KDM2B: variants seen among roughly 807,000 people sequenced by gnomAD.
KDM2B encodes lysine-specific demethylase 2B.
A neutral mutation model predicts 150.0 loss-of-function variants in KDM2B; 26 were observed. That is an observed-to-expected ratio of 0.17 (90% CI 0.13 to 0.24). KDM2B has a LOEUF of 0.24. Among genes scored for constraint, KDM2B ranks in the 10% least tolerant of loss-of-function variants. The pLI is 1.00. For missense variants in KDM2B, 1,265 were observed against 1,816.9 expected (o/e 0.70, Z 5.52); for synonymous variants, 734 against 729.5 (o/e 1.01, Z -0.10).
At chr12:121,540,339 A>G (rs372044878) in intron 6 of KDM2B, among the ~76,000 whole-genome samples, 44 of 152,140 alleles carry the variant, frequency 2.9e-4, no homozygotes, top group African/African-American at 1.0e-3. Context: ...CACAGGGATG[A>G]TCATTTATAA....
chr12:121,549,172 C>G lies in KDM2B; in HGVS notation c.577-189G>C, dbSNP rs1300219140. Among the ~76,000 whole-genome samples the G allele has an allele frequency of 2.0e-5, 3 of 152,276 alleles. No homozygotes were observed. Among genetic ancestry groups the G allele is most frequent in the Middle Eastern group, 3.4e-3 (1 of 294 alleles). ...CTTTGTAGAAGGGAAGGAGATGAAA[C>G]AGTCGCTGGGGGTCGGGCACGGTAG... On this transcript the variant is annotated intron_variant, in intron 5 of 22. Coordinates refer to ENST00000377071, the MANE Select transcript of KDM2B (RefSeq NM_032590.5). This position sits in a 1 kb window ranked among gnomAD's most constrained non-coding sequence, Gnocchi z 4.4.
Position 121,442,179 on chromosome 12 carries a change from C to T in KDM2B, c.3262G>A (p.Val1088Ile). Residue 1088 changes from valine (V) to isoleucine (I), a missense_variant, in exon 19 of 23, where the codon GTC (valine) becomes ATC (isoleucine). Transcript: ENST00000377071. This position sits in a 1 kb window ranked among gnomAD's most constrained non-coding sequence, Gnocchi z 7.7. The stretch of plus-strand genomic sequence containing the variant: ...CACCAGCGGTTCCAGGTCCTGCAGA[C>T]CCGCATGCACACACACAGGTCTTGG... ...SHQDLCVCMR[V>I]CRTWNRWCCD... The T allele has an allele frequency of 6.2e-7, 1 of 1,613,660 alleles. No homozygotes were observed. The highest frequency in any genetic ancestry group is 8.5e-7 in the Non-Finnish European group (1 of 1,180,020).
At chr12:121,481,760 T>TC in intron 12 of KDM2B, among the ~76,000 whole-genome samples, 1 of 124,134 alleles carries the variant, frequency 8.1e-6, no homozygotes, top group African/African-American at 3.6e-5. Flanking sequence ...ATCTTAGGGT[T>TC]TTTTTTGTTT....
rs376084109 is a variant in KDM2B, at chr12:121,453,710, C to T, written c.1735-366G>A. Among the ~76,000 whole-genome samples, 1 of 152,102 alleles carries T rather than the reference C, an allele frequency of 6.6e-6. No homozygotes were observed. Among genetic ancestry groups the T allele is most frequent in the Non-Finnish European group, 1.5e-5 (1 of 68,010 alleles). On this transcript the variant is annotated intron_variant, in intron 12 of 22. Coordinates refer to ENST00000377071, the MANE Select transcript of KDM2B (RefSeq NM_032590.5). The surrounding 1 kb of genome is among the most constrained non-coding windows in gnomAD (Gnocchi z 6.4). ...GGCAGCACATACCAGGAGCTGGAGGCGCGGGGAAGGACCCTCCCCTAGAGC... is the reference window on the plus strand; with the variant it reads ...GGCAGCACATACCAGGAGCTGGAGGTGCGGGGAAGGACCCTCCCCTAGAGC...
intron 4 of KDM2B, among the ~76,000 whole-genome samples, chr12:121,566,621 A>AAAAT (rs1299174150): frequency 1.1e-4 from 17 of 151,300 alleles, no homozygotes; most frequent in East Asian, 4.0e-4. Flanking sequence ...TTCTGTCTCA[A>AAAAT]AAATAAATAA....
In KDM2B at chr12:121,549,431, T is replaced by C; in HGVS notation, c.576+29A>G. 4 of 1,555,804 alleles carry C rather than the reference T, an allele frequency of 2.6e-6. No individual in the cohort carries two copies. Among genetic ancestry groups the C allele is most frequent in the Non-Finnish European group, 3.5e-6 (4 of 1,142,756 alleles). ...GGAAGGAGATGAGGTGGAAGGTATC[T>C]GGGGAGGGTACCTGGGCCCCGGACC... On this transcript the variant is annotated intron_variant, in intron 5 of 22. Transcript: ENST00000377071. This position sits in a 1 kb window ranked among gnomAD's most constrained non-coding sequence, Gnocchi z 4.4.
chr12:121,408,623 G>A, the KDM2B span, among the ~76,000 whole-genome samples: 1 of 152,098 alleles, frequency 6.6e-6, no homozygotes, highest in Non-Finnish European at 1.5e-5. Context: ...TTATGAGAAA[G>A]TACAGGAAGA....
chr12:121,570,307 CT>C (rs1555315714), intron 4 of KDM2B, among the ~76,000 whole-genome samples: 1 of 152,082 alleles, frequency 6.6e-6, no homozygotes, highest in African/African-American at 2.4e-5. Flanking sequence ...CTGCCTCAGC[CT>C]CCGAAAGTGC....
In KDM2B at chr12:121,444,291, A is replaced by G. The variant is rs1555289560; in HGVS notation, c.2191-19T>C. ...GCTTTTGCTTGTAGGCCAAAAAGAG[A>G]GAATGAACAGACCAACTGTATACCT... On this transcript the variant is annotated intron_variant, in intron 15 of 22. Transcript: ENST00000377071. The G allele has an allele frequency of 1.2e-6, 2 of 1,613,090 alleles. No individual in the cohort carries two copies. Among genetic ancestry groups the G allele is most frequent in the African/African-American group, 2.7e-5 (2 of 74,870 alleles).
chr12:121,538,157 G>A (rs955868217), intron 6 of KDM2B, among the ~76,000 whole-genome samples: 1 of 151,956 alleles, frequency 6.6e-6, no homozygotes. Flanking sequence ...GCGCGGGGCC[G>A]CCAGGGAGGC....
chr12:121,527,221 T>C (rs1436223510), intron 8 of KDM2B, among the ~76,000 whole-genome samples: 3 of 149,232 alleles, frequency 2.0e-5, no homozygotes, highest in Non-Finnish European at 4.5e-5. Flanking sequence ...AGATAATTTT[T>C]TTTTTTTTGT....
rs1888219955 is a variant in KDM2B, at chr12:121,537,362, C to G, written c.684-2772G>C. 6.5e-6 allele frequency: 1 copy of G among 152,734 alleles called. No homozygotes were observed. Among genetic ancestry groups the G allele is most frequent in the African/African-American group, 2.4e-5 (1 of 41,490 alleles). 9.5% of individuals were successfully genotyped at this position (152,734 alleles called of 1,614,324 possible). ...CCGCAGTCACATGGGCACCCCGGCT[C>G]GGTGCCACGGCCGCTAAGCTCTCCC... On this transcript the variant is annotated intron_variant, in intron 6 of 22. Coordinates refer to ENST00000377071, the MANE Select transcript of KDM2B (RefSeq NM_032590.5). The surrounding 1 kb of genome is among the most constrained non-coding windows in gnomAD (Gnocchi z 8.7).
intron 22 of KDM2B, among the ~76,000 whole-genome samples, chr12:121,439,641 A>G (rs1189851525): frequency 6.6e-6 from 1 of 151,932 alleles, no homozygotes; most frequent in Non-Finnish European, 1.5e-5. Context: ...CGGCCTCCCA[A>G]CGTGCTGGGA....
chr12:121,567,191 A>AATAT (rs201623590), intron 4 of KDM2B, among the ~76,000 whole-genome samples: 2 of 151,974 alleles, frequency 1.3e-5, no homozygotes, highest in Admixed American at 6.6e-5. Context: ...CCCACCTGGG[A>AATAT]ATATATATAT....
intron 11 of KDM2B, among the ~76,000 whole-genome samples, chr12:121,499,109 A>AT (rs1555301465): frequency 9.4e-6 from 1 of 106,336 alleles, no homozygotes; most frequent in Non-Finnish European, 1.8e-5. Context: ...CCAGTCAATA[A>AT]ATTTTTTTTT....
rs782143711 is a variant in KDM2B, at chr12:121,440,907, C to G, written c.3519G>C (p.Pro1173=). ...ACTGGACATCCAGGGTCCGGAGCAGCGGACAACTGGAGCTGCAAAGGGCCG... is the reference window on the plus strand; with the variant it reads ...ACTGGACATCCAGGGTCCGGAGCAGGGGACAACTGGAGCTGCAAAGGGCCG... ...AVSALCSSSC[P]LLRTLDVQWV... Residue 1173 remains proline, a synonymous_variant, in exon 21 of 23, where the codon CCG becomes CCC. Transcript: ENST00000377071. The G allele has an allele frequency of 2.5e-6, 4 of 1,614,044 alleles. No individual in the cohort carries two copies. The highest frequency in any genetic ancestry group is 3.4e-6 in the Non-Finnish European group (4 of 1,180,012).
chr12:121,461,473 G>A (rs1306794830), intron 12 of KDM2B, among the ~76,000 whole-genome samples: 1 of 152,138 alleles, frequency 6.6e-6, no homozygotes, highest in African/African-American at 2.4e-5. Flanking sequence ...AGATGATGAA[G>A]GCAGGAGCAG....
chr12:121,523,055 AC>A (rs1419315876), intron 8 of KDM2B, among the ~76,000 whole-genome samples: 1 of 152,214 alleles, frequency 6.6e-6, no homozygotes, highest in Non-Finnish European at 1.5e-5. Context: ...GCCGGGTCAC[AC>A]AGCGTGGGGC....
chr12:121,443,064 C>G, intron 17 of KDM2B, 34 bp from the exon 18 acceptor site: 1 of 1,591,596 alleles, frequency 6.3e-7, no homozygotes, highest in Non-Finnish European at 8.5e-7. Context: ...AGAGCTTGCT[C>G]CCCGGGCTCG....
Sources: gnomAD v4.1 joint callset for allele counts (sites outside exome capture counted in the v4.1 genomes callset) on GRCh38, gnomAD v4.1.1 for gene constraint, Gnocchi (gnomAD v3.1) non-coding constraint, MANE v1.5 for transcripts, NCBI Gene and HGNC (gene_info 2026-07-23, HGNC 2026-07-21) for gene names.